Variants in HERC3 observed in about 807,000 individuals in gnomAD.
HERC3 encodes HECT and RLD domain containing E3 ubiquitin protein ligase 3, also known as probable E3 ubiquitin-protein ligase HERC3.
HERC3 carries 58 observed loss-of-function variants against 129.9 expected under a neutral mutation model. The ratio of observed to expected loss-of-function variants is 0.45; its 90% confidence interval spans 0.36 to 0.56. HERC3 has a LOEUF of 0.56. Ranked by LOEUF, HERC3 falls within the 20% of genes least tolerant of loss-of-function variation. The probability of loss-of-function intolerance (pLI) is 0.00; values close to 1 mark genes in which losing one functional copy is unlikely to be tolerated. For synonymous variants in HERC3, 430 were observed against 451.0 expected, an observed-to-expected ratio of 0.95 and a Z score of 0.59; for missense variants, 835 against 1,244.2, an observed-to-expected ratio of 0.67 and a Z score of 4.95.
the HERC3 span, among the ~76,000 whole-genome samples, chr4:88,580,497 A>G: frequency 6.6e-6 from 1 of 152,166 alleles, no homozygotes; most frequent in African/African-American, 2.4e-5. Flanking sequence ...AGCCTGGACA[A>G]AAGAGGGAGA....
rs766979153 is a variant in HERC3, at chr4:88,654,060, A to G, written c.704A>G (p.His235Arg). 1.9e-6 allele frequency: 3 copies of G among 1,611,966 alleles called. No homozygotes were observed. The highest frequency in any genetic ancestry group is 3.3e-5 in the Admixed American group (2 of 60,004). Reference protein sequence around the residue: ...SDEKDRESPCHVKLLRTQKVV... With the variant: ...SDEKDRESPCRVKLLRTQKVV... ...ATTCTAGATCGAGAATCTCCATGCC[A>G]TGTAAAACTCTTACGCACGCAAAAA... Residue 235 changes from histidine (H) to arginine (R), a missense_variant, in exon 7 of 26, where the codon CAT (histidine) becomes CGT (arginine). Coordinates refer to ENST00000402738, the MANE Select transcript of HERC3 (RefSeq NM_014606.3).
chr4:88,585,859 T>C, the HERC3 span, among the ~76,000 whole-genome samples: 1 of 152,200 alleles, frequency 6.6e-6, no homozygotes, highest in Non-Finnish European at 1.5e-5. Context: ...TCTTTGTTTG[T>C]ATTTCACATA....
chr4:88,685,298 G>A (rs536303087), intron 21 of HERC3, among the ~76,000 whole-genome samples: 10 of 152,096 alleles, frequency 6.6e-5, no homozygotes, highest in Non-Finnish European at 1.2e-4. Flanking sequence ...ATGCACACAC[G>A]TATGTTTATT....
chr4:88,665,386 A>C (rs1021312304), intron 12 of HERC3, among the ~76,000 whole-genome samples: 1 of 152,212 alleles, frequency 6.6e-6, no homozygotes, highest in African/African-American at 2.4e-5. Flanking sequence ...CTGCTGGTGT[A>C]AGTATTGGAG....
At chr4:88,702,732 G>A (rs867510942) in intron 23 of HERC3, among the ~76,000 whole-genome samples, 11 of 152,270 alleles carry the variant, frequency 7.2e-5, no homozygotes, top group Non-Finnish European at 1.5e-4. Flanking sequence ...ACATGTTAGC[G>A]TCTCTGCATT....
chr4:88,528,407 A>ACC, the HERC3 span, among the ~76,000 whole-genome samples: 1 of 152,204 alleles, frequency 6.6e-6, no homozygotes, highest in African/African-American at 2.4e-5. Flanking sequence ...TCAAGGTGGT[A>ACC]ACAGTAATAC....
At chr4:88,636,988 G>T (rs1337458557) in intron 3 of HERC3, among the ~76,000 whole-genome samples, 1 of 152,130 alleles carries the variant, frequency 6.6e-6, no homozygotes, top group Non-Finnish European at 1.5e-5. Flanking sequence ...AATTAGCCAG[G>T]TGTGGCAGTG....
intron 21 of HERC3, among the ~76,000 whole-genome samples, chr4:88,683,764 T>G (rs1210697440): frequency 1.3e-5 from 2 of 152,220 alleles, no homozygotes; most frequent in Non-Finnish European, 2.9e-5. Context: ...ATTCTTTAGT[T>G]AGTGTGACAG....
chr4:88,624,157 G>C (rs1725841049), intron 3 of HERC3, among the ~76,000 whole-genome samples: 1 of 152,190 alleles, frequency 6.6e-6, no homozygotes, highest in Admixed American at 6.5e-5. Flanking sequence ...TTTATGGATA[G>C]AGTCACCAGT....
intron 11 of HERC3, among the ~76,000 whole-genome samples, chr4:88,663,396 G>A (rs974921163): frequency 3.3e-5 from 5 of 152,260 alleles, no homozygotes; most frequent in Middle Eastern, 6.8e-3. Flanking sequence ...GAGAGGAGAT[G>A]AGGGCTTGCT....
At chr4:88,652,110 G>A in intron 5 of HERC3, 22 bp downstream of exon 5, 3 of 1,485,776 alleles carry the variant, frequency 2.0e-6, no homozygotes, top group Non-Finnish European at 2.8e-6. Flanking sequence ...TTAAACATAT[G>A]CTAATGCTAT....
upstream of HERC3, among the ~76,000 whole-genome samples, chr4:88,587,481 A>C (rs1721562101): frequency 6.6e-6 from 1 of 152,226 alleles, no homozygotes; most frequent in African/African-American, 2.4e-5. Context: ...ATATCATGTA[A>C]TGTCACTAAA....
At position 88,655,909 on chromosome 4, in the gene HERC3, C is replaced by T; in HGVS notation, c.943C>T (p.Leu315Phe). The T allele has an allele frequency of 1.2e-6, 2 of 1,613,944 alleles. No homozygotes were observed. Among genetic ancestry groups the T allele is most frequent in the Non-Finnish European group, 1.7e-6 (2 of 1,179,906 alleles). ...CCTAGCCTTCGTGCCTTCTTCTGGA[C>T]TCATCTATGCATTTGGTTGTGGAGC... ...HTLAFVPSSG[L>F]IYAFGCGARG... Residue 315 changes from leucine (L) to phenylalanine (F), a missense_variant, in exon 9 of 26, where the codon CTC becomes TTC. By Grantham distance (22) the Leu-to-Phe change is conservative. Transcript: ENST00000402738.
chr4:88,570,748 C>CTATTT, the HERC3 span, among the ~76,000 whole-genome samples: 1 of 144,036 alleles, frequency 6.9e-6, no homozygotes, highest in African/African-American at 2.4e-5. Context: ...ATTATTATTC[C>CTATTT]TATTTTATTT....
At chr4:88,704,851 T>TTTTCTTTCTTTC (rs992882754) in intron 25 of HERC3, among the ~76,000 whole-genome samples, 1 of 147,488 alleles carries the variant, frequency 6.8e-6, no homozygotes, top group African/African-American at 2.5e-5. Flanking sequence ...CTGATTTTTC[T>TTTTCTTTCTTTC]TTTCTTTCTT....
chr4:88,653,885 A>G (rs1479535533), intron 6 of HERC3, among the ~76,000 whole-genome samples, 157 bp from the exon 7 acceptor site: 1 of 151,892 alleles, frequency 6.6e-6, no homozygotes, highest in Non-Finnish European at 1.5e-5. Flanking sequence ...TAGGTAAATT[A>G]AAACTGAGAA....
In HERC3 at chr4:88,676,258, A is replaced by G; in HGVS notation, c.1935+17A>G. On this transcript the variant is annotated intron_variant, in intron 17 of 25. Transcript: ENST00000402738. ...ATAATACAGGTAAATGATCCTTTTT[A>G]AATTTGCTTTTATATTTTTCCAGCT... The G allele has an allele frequency of 1.3e-6, 2 of 1,570,464 alleles. No homozygotes were observed. The highest frequency in any genetic ancestry group is 1.8e-6 in the Non-Finnish European group (2 of 1,140,694).
chr4:88,543,248 T>C, the HERC3 span, among the ~76,000 whole-genome samples: 2 of 152,156 alleles, frequency 1.3e-5, no homozygotes, highest in Non-Finnish European at 2.9e-5. Context: ...AGTCTCAAGA[T>C]ACAAAATCAA....
intron 12 of HERC3, among the ~76,000 whole-genome samples, chr4:88,665,964 T>C (rs1006238826): frequency 6.6e-6 from 1 of 152,214 alleles, no homozygotes; most frequent in Non-Finnish European, 1.5e-5. Context: ...ACATTTTTGG[T>C]TGGTACAATG....
Sources: gnomAD v4.1 joint callset for allele counts (sites outside exome capture counted in the v4.1 genomes callset) on GRCh38, gnomAD v4.1.1 for gene constraint, MANE v1.5 for transcripts, NCBI Gene and HGNC (gene_info 2026-07-23, HGNC 2026-07-21) for gene names.